MTMR1: variants seen among roughly 807,000 people sequenced by gnomAD.
MTMR1 encodes phosphatidylinositol-3-phosphate phosphatase MTMR1.
MTMR1 carries 17 observed loss-of-function variants against 51.6 expected under a neutral mutation model. The ratio of observed to expected loss-of-function variants is 0.33; its 90% CI spans 0.23 to 0.49. MTMR1 has a LOEUF of 0.49. MTMR1 is among the 20% of genes least tolerant of loss of function. The probability of loss-of-function intolerance (pLI) is 0.99; values close to 1 mark genes in which losing one functional copy is unlikely to be tolerated. For synonymous variants in MTMR1, 201 were observed against 205.6 expected, an observed-to-expected ratio of 0.98 and a Z score of 0.19; for missense variants, 386 against 526.9, an observed-to-expected ratio of 0.73 and a Z score of 2.62.
chrX:150,712,263 G>T lies in MTMR1; in HGVS notation c.253-79G>T. ...GATTATGATGTTTCTTAGGGAATAG[G>T]CTGTTGAACTTAATGGCATCTTTCA... On this transcript the variant is annotated intron_variant, in intron 2 of 15. Coordinates refer to ENST00000445323, the MANE Select transcript of MTMR1 (RefSeq NM_001306144.3). 3 of 875,688 alleles carry T rather than the reference G, an allele frequency of 3.4e-6. No homozygotes were observed. The South Asian group carries it at 6.9e-5, about 20-fold the overall frequency. The allele number at this position is 875,688 out of a possible 1,213,427, so 72.2% of individuals were successfully genotyped here. A position where few individuals can be genotyped will look rare whatever the true frequency, so the allele number is the denominator to read the frequency against.
intron 3 of MTMR1, among the ~76,000 whole-genome samples, chrX:150,713,345 C>T (rs1295770921): frequency 1.8e-5 from 2 of 112,032 alleles, no homozygotes; most frequent in African/African-American, 6.5e-5. Context: ...TTTCAAAAAA[C>T]TGGCTGCACT....
chrX:150,742,552 C>T (rs1302930695), intron 12 of MTMR1, among the ~76,000 whole-genome samples: 3 of 111,135 alleles, frequency 2.7e-5, no homozygotes, highest in Non-Finnish European at 5.7e-5. Flanking sequence ...CGCGGTGGCT[C>T]ACGCCTGTAA....
chrX:150,753,431 G>A (rs1249490285), intron 14 of MTMR1, among the ~76,000 whole-genome samples: 1 of 112,230 alleles, frequency 8.9e-6, no homozygotes, highest in Non-Finnish European at 1.9e-5. Flanking sequence ...TTGCACACAC[G>A]AGCAATGTCT....
chrX:150,759,239 T>C (rs1301854988), intron 15 of MTMR1, among the ~76,000 whole-genome samples: 2 of 112,712 alleles, frequency 1.8e-5, no homozygotes, highest in African/African-American at 6.5e-5. Context: ...TCTTCACTGA[T>C]GTGTATTTCT....
At chrX:150,719,540 C>T (rs1603246709) in intron 4 of MTMR1, among the ~76,000 whole-genome samples, 2 of 111,447 alleles carry the variant, frequency 1.8e-5, no homozygotes, top group South Asian at 7.5e-4. Context: ...TGGCAGTCCT[C>T]TGGACTCTTT....
chrX:150,730,994 G>A (rs2042101029), intron 8 of MTMR1, among the ~76,000 whole-genome samples: 1 of 112,175 alleles, frequency 8.9e-6, no homozygotes, highest in Non-Finnish European at 1.9e-5. Context: ...CCGGGTCTGG[G>A]AACTCTTCAG....
Position 150,762,648 on chromosome X carries a change from G to A in MTMR1, c.1941G>A (p.Val647=). 3.3e-6 allele frequency: 4 copies of A among 1,210,474 alleles called. No individual in the cohort carries two copies. The highest frequency in any genetic ancestry group is 4.5e-6 in the Non-Finnish European group (4 of 894,942). The change falls in exon 16 of 16, where the codon GTG becomes GTA. Residue 647 remains valine (V), a synonymous_variant. Coordinates refer to ENST00000445323, the MANE Select transcript of MTMR1 (RefSeq NM_001306144.3). ...GTGTGGAGGGCCTACAGCGGGAGGT[G>A]GCCACGCGCGCCGTCTCATCCTCAT... ...QKRVEGLQRE[V]ATRAVSSSSE... is the part of the protein sequence containing the mutation.
intron 2 of MTMR1, among the ~76,000 whole-genome samples, chrX:150,703,960 G>A (rs1178011785): frequency 8.1e-5 from 9 of 111,546 alleles, no homozygotes; most frequent in African/African-American, 2.9e-4. Flanking sequence ...TGGTTTTTGT[G>A]GGAAATAATT....
intron 2 of MTMR1, among the ~76,000 whole-genome samples, chrX:150,703,923 AATAG>A (rs782729035): frequency 8.9e-6 from 1 of 111,925 alleles, no homozygotes; most frequent in East Asian, 2.8e-4. Flanking sequence ...TAACCACTGT[AATAG>A]ATAGAAGAGT....
chrX:150,734,009 A>G (rs782179223), intron 10 of MTMR1, among the ~76,000 whole-genome samples: 32 of 112,359 alleles, frequency 2.8e-4, no homozygotes, highest in Non-Finnish European at 5.3e-4. Context: ...AGCACCAGAA[A>G]TGTATTGATC....
chrX:150,693,873 G>C (rs1193012779), intron 1 of MTMR1, among the ~76,000 whole-genome samples, 197 bp downstream of exon 1: 1 of 105,991 alleles, frequency 9.4e-6, no homozygotes, highest in Non-Finnish European at 2.0e-5. Flanking sequence ...TGCTGCCCTC[G>C]GACCTGCTGC....
At chrX:150,708,956 G>A (rs145561246) in intron 2 of MTMR1, among the ~76,000 whole-genome samples, 16 of 111,287 alleles carry the variant, frequency 1.4e-4, no homozygotes, top group African/African-American at 3.3e-4. Flanking sequence ...CCACTATGCC[G>A]ACTTACCTCC....
chrX:150,693,352 A>T, upstream of MTMR1: 1 of 547,568 alleles, frequency 1.8e-6, no homozygotes, highest in Non-Finnish European at 2.2e-6. Flanking sequence ...CCGCCCCCCG[A>T]CCCCCGCGCG....
intron 2 of MTMR1, among the ~76,000 whole-genome samples, chrX:150,711,782 A>G (rs1209037697): frequency 8.9e-6 from 1 of 112,009 alleles, no homozygotes; most frequent in Non-Finnish European, 1.9e-5. Flanking sequence ...AGTCCCCAGT[A>G]TGAATTGGAA....
At chrX:150,762,515 T>C in intron 15 of MTMR1, 50 bp from the exon 16 acceptor site, 1 of 1,202,320 alleles carries the variant, frequency 8.3e-7, no homozygotes, top group Non-Finnish European at 1.1e-6. Flanking sequence ...GTGGAAACGC[T>C]GTGGTAGGAG....
chrX:150,714,369 A>G (rs1370962575), intron 3 of MTMR1: 2 of 405,744 alleles, frequency 4.9e-6, no homozygotes, highest in Non-Finnish European at 3.9e-6. Context: ...CGACTTTTAC[A>G]TGCTTACTGT....
chrX:150,764,590 C>T lies in MTMR1; in HGVS notation c.*1861C>T, dbSNP rs1557418349. ...GATGCCTTCGACAAACCAGAGAAGC[C>T]AAGTTGGGGGGAGCTGGTGCCTGGA... On this transcript the variant is annotated 3_prime_UTR_variant, in exon 16 of 16. Transcript: ENST00000445323. 6 of 111,070 alleles carry T rather than the reference C, an allele frequency of 5.4e-5. No homozygotes were observed. The allele number at this position is 111,070 out of a possible 1,213,427, so 9.2% of individuals were successfully genotyped here.
chrX:150,760,019 T>C (rs1557417935), intron 15 of MTMR1, among the ~76,000 whole-genome samples: 1 of 108,962 alleles, frequency 9.2e-6, no homozygotes, highest in East Asian at 2.8e-4. Flanking sequence ...TCACAGGGGG[T>C]TGCTGAGCAG....
At chrX:150,735,567 G>A in intron 10 of MTMR1, 1 of 451,150 alleles carries the variant, frequency 2.2e-6, no homozygotes, top group Non-Finnish European at 3.9e-6. Flanking sequence ...CCTACAGCAG[G>A]AACCTTGAAA....
Sources: allele counts gnomAD v4.1 joint callset (sites outside exome capture counted in the v4.1 genomes callset), GRCh38; gene constraint gnomAD v4.1.1; transcripts MANE v1.5; gene names NCBI Gene and HGNC (gene_info 2026-07-23, HGNC 2026-07-21).